LIN52: variants seen among roughly 807,000 people sequenced by gnomAD.
LIN52 encodes lin-52 DREAM MuvB core complex component.
LIN52 carries 4 observed loss-of-function variants against 18.5 expected under a neutral mutation model. That is an observed-to-expected ratio of 0.22 (90% CI 0.11 to 0.49). The LOEUF is 0.49. LIN52 is among the 20% of genes least tolerant of loss of function. The probability of loss-of-function intolerance (pLI) is 0.97; values close to 1 mark genes in which losing one functional copy is unlikely to be tolerated. For synonymous variants in LIN52, 34 were observed against 45.5 expected (o/e 0.75, Z 1.02); for missense variants, 102 against 139.5 (o/e 0.73, Z 1.35).
chr14:74,126,216 C>T (rs1169726433), intron 5 of LIN52, among the ~76,000 whole-genome samples: 1 of 151,914 alleles, frequency 6.6e-6, no homozygotes, highest in African/African-American at 2.4e-5. Flanking sequence ...AAAGAAACCC[C>T]AAAACAAAAA....
intron 4 of LIN52, among the ~76,000 whole-genome samples, chr14:74,098,785 T>C (rs1255460134): frequency 6.6e-6 from 1 of 152,102 alleles, no homozygotes; most frequent in Non-Finnish European, 1.5e-5. Flanking sequence ...TGACCTCCAG[T>C]GATCCACCCA....
In LIN52 at chr14:74,178,045, C is replaced by T. The variant is rs1231709167; in HGVS notation, c.284-20877C>T. Among the ~76,000 whole-genome samples the T allele has an allele frequency of 3.9e-5, 6 of 152,206 alleles. No individual in the cohort carries two copies. The South Asian group carries it at 6.2e-4, about 16-fold the overall frequency. On this transcript the variant is annotated intron_variant, in intron 5 of 5. Coordinates refer to ENST00000555028, the MANE Select transcript of LIN52 (RefSeq NM_001024674.3). ...TCACCTGCCTCGGCCTCCCAAAGCA[C>T]GGGGATTAACAGGTGTGAGCCACTG...
rs71460962 is a variant in LIN52 at position 74,165,513 on chromosome 14, CTTTT to C, written c.284-33397_284-33394del. The stretch of plus-strand genomic sequence containing the variant: ...AATGGAGAATTACAGGTTTTCTTTT[CTTTT>C]TTTTTTTTTTTGAGACAGAGTCTCA... On this transcript the variant is annotated intron_variant, in intron 5 of 5. Transcript: ENST00000555028. Among the ~76,000 whole-genome samples the C allele has an allele frequency of 5.9e-4, 65 of 110,220 alleles. 3 individuals are homozygous for C. The highest frequency in any genetic ancestry group is 2.0e-4 in the Non-Finnish European group (11 of 56,112). The allele number at this position is 110,220 out of a possible 152,430, so 72.3% of individuals were successfully genotyped here.
At chr14:74,192,758 ACACACCTG>A (rs1486399065) in intron 5 of LIN52, 9 of 249,296 alleles carry the variant, frequency 3.6e-5, no homozygotes, top group Non-Finnish European at 6.3e-5. Flanking sequence ...AATGAGACAG[ACACACCTG>A]CACAGTTGGA....
intron 5 of LIN52, among the ~76,000 whole-genome samples, chr14:74,193,056 T>A (rs891222330): frequency 2.6e-5 from 4 of 152,144 alleles, no homozygotes; most frequent in Admixed American, 6.5e-5. Flanking sequence ...TATGTTTTGA[T>A]CAACATCAGA....
chr14:74,125,320 G>T (rs150596974), intron 5 of LIN52, among the ~76,000 whole-genome samples: 5 of 152,348 alleles, frequency 3.3e-5, no homozygotes, highest in African/African-American at 1.2e-4. Context: ...ACTGGTGTGA[G>T]ATGGTATCTC....
intron 5 of LIN52, among the ~76,000 whole-genome samples, chr14:74,198,250 A>C (rs1438882301): frequency 6.6e-6 from 1 of 152,220 alleles, no homozygotes; most frequent in Non-Finnish European, 1.5e-5. Context: ...AAGTAGCTGT[A>C]TAAACCCACT....
chr14:74,151,744 G>A (rs1380645266), intron 5 of LIN52, among the ~76,000 whole-genome samples: 7 of 152,142 alleles, frequency 4.6e-5, no homozygotes, highest in East Asian at 3.8e-4. Flanking sequence ...CATGGCTATC[G>A]TGCAGAACAA....
chr14:74,178,548 C>T (rs1251433619), intron 5 of LIN52, among the ~76,000 whole-genome samples: 1 of 151,504 alleles, frequency 6.6e-6, no homozygotes, highest in African/African-American at 2.4e-5. Context: ...AACTCTGCCT[C>T]CTGGGTTCAA....
chr14:74,119,498 A>G (rs1451234635), intron 5 of LIN52, among the ~76,000 whole-genome samples: 1 of 152,094 alleles, frequency 6.6e-6, no homozygotes, highest in Admixed American at 6.5e-5. Context: ...ATAACTAGGA[A>G]GTGGAATTGC....
chr14:74,130,281 T>TGTTTTTTTTTTTTTTTTTTTTTAG (rs200577569), intron 5 of LIN52, among the ~76,000 whole-genome samples: 1 of 77,376 alleles, frequency 1.3e-5, no homozygotes. Context: ...TTTTTTGGTT[T>TGTTTTTTTTTTTTTTTTTTTTTAG]TTTTTTTTTT....
At chr14:74,111,620 A>ATTTATTTG (rs1414995921) in intron 5 of LIN52, among the ~76,000 whole-genome samples, 27 of 146,774 alleles carry the variant, frequency 1.8e-4, no homozygotes, top group Non-Finnish European at 2.9e-4. Flanking sequence ...TTATTTATTT[A>ATTTATTTG]TTTATTTATT....
chr14:74,131,534 G>A (rs1459438841), intron 5 of LIN52, among the ~76,000 whole-genome samples: 1 of 152,020 alleles, frequency 6.6e-6, no homozygotes, highest in Non-Finnish European at 1.5e-5. Context: ...TGGCCAGGCT[G>A]GTCTCGAACT....
intron 5 of LIN52, 26 bp from the exon 6 acceptor site, chr14:74,198,896 A>G: frequency 6.4e-7 from 1 of 1,568,710 alleles, no homozygotes; most frequent in Non-Finnish European, 8.8e-7. Context: ...GTTTTCATTG[A>G]TCATTTGTTT....
chr14:74,151,442 C>G (rs2061176499), intron 5 of LIN52, among the ~76,000 whole-genome samples: 2 of 152,088 alleles, frequency 1.3e-5, no homozygotes, highest in Non-Finnish European at 2.9e-5. Context: ...TGACTAACTG[C>G]TTTATACAAA....
At chr14:74,128,021 T>C (rs557083360) in intron 5 of LIN52, among the ~76,000 whole-genome samples, 4 of 152,166 alleles carry the variant, frequency 2.6e-5, no homozygotes, top group Non-Finnish European at 5.9e-5. Context: ...ACTTGGTATG[T>C]CAGGGACTAG....
intron 5 of LIN52, among the ~76,000 whole-genome samples, chr14:74,150,099 C>T (rs910038572): frequency 3.3e-5 from 5 of 152,116 alleles, no homozygotes; most frequent in African/African-American, 4.8e-5. Context: ...AAAACTTAGG[C>T]GGTATCTACT....
chr14:74,180,210 C>G lies in LIN52; in HGVS notation c.284-18712C>G, dbSNP rs182858552. On this transcript the variant is annotated intron_variant, in intron 5 of 5. Coordinates refer to ENST00000555028, the MANE Select transcript of LIN52 (RefSeq NM_001024674.3). ...CTCTCTACCTGCATAGTGTCTACAC[C>G]GAGGACAAACTCTTGGTGAGCAAAC... Among the ~76,000 whole-genome samples, 5 of 151,902 alleles carry G rather than the reference C, an allele frequency of 3.3e-5. No homozygotes were observed. In the South Asian group the frequency reaches 6.2e-4, roughly 19 times the overall value.
chr14:74,106,846 C>T (rs1436056954), intron 5 of LIN52, among the ~76,000 whole-genome samples: 1 of 152,264 alleles, frequency 6.6e-6, no homozygotes, highest in Admixed American at 6.5e-5. Context: ...CCCGCCTGGC[C>T]TCCCAAAGTG....
Sources: allele counts gnomAD v4.1 joint callset (sites outside exome capture counted in the v4.1 genomes callset), GRCh38; gene constraint gnomAD v4.1.1; transcripts MANE v1.5; gene names NCBI Gene and HGNC (gene_info 2026-07-23, HGNC 2026-07-21).